The following SLC44A5 variants were observed in gnomAD, a reference collection of about 807,000 sequenced individuals.
SLC44A5 encodes choline transporter-like protein 5.
SLC44A5 carries 57 observed loss-of-function variants against 101.8 expected under a neutral mutation model. The observed-to-expected ratio is 0.56, with a 90% CI of 0.45 to 0.70. The LOEUF (loss-of-function observed/expected upper bound fraction) is 0.70, where lower values mean the gene tolerates loss of function less well. SLC44A5 is among the 30% of genes least tolerant of loss of function. The pLI is 0.00. For missense variants in SLC44A5, 737 were observed against 853.1 expected (o/e 0.86, Z 1.70); for synonymous variants, 281 against 290.9 (o/e 0.97, Z 0.35).
intron 2 of SLC44A5, among the ~76,000 whole-genome samples, chr1:75,489,029 G>T (rs923420436): frequency 3.9e-5 from 6 of 151,984 alleles, no homozygotes; most frequent in African/African-American, 1.4e-4. Flanking sequence ...TGTATTTTTA[G>T]TGGAGATAGG....
chr1:75,345,964 G>A lies in SLC44A5; in HGVS notation c.53-6334C>T, dbSNP rs75781818. Among the ~76,000 whole-genome samples, 1,358 of 152,124 alleles carry A rather than the reference G, an allele frequency of 8.9e-3. 16 individuals are homozygous for A. The highest frequency in any genetic ancestry group is 0.031 in the African/African-American group (1,303 of 41,484). On this transcript the variant is annotated intron_variant, in intron 3 of 23. Coordinates refer to ENST00000370859, the MANE Select transcript of SLC44A5 (RefSeq NM_001130058.2). The stretch of plus-strand genomic sequence containing the variant: ...GGCTGTAGCTGTGAGAGAGGATGAG[G>A]TAATTCAGGAAGCATTACAGAGGAA...
chr1:75,402,394 G>A (rs1394960094), intron 2 of SLC44A5: 8 of 374,594 alleles, frequency 2.1e-5, no homozygotes, highest in Admixed American at 5.6e-5. Flanking sequence ...AGAGGTGGCT[G>A]GCAAGATGGC....
At chr1:75,372,210 A>C (rs887481014) in intron 3 of SLC44A5, among the ~76,000 whole-genome samples, 9 of 151,926 alleles carry the variant, frequency 5.9e-5, no homozygotes, top group Admixed American at 4.6e-4. Context: ...AAAAAAAAAA[A>C]AAAAAACCTT....
chr1:75,208,318 C>T (rs1646787513), intron 23 of SLC44A5, among the ~76,000 whole-genome samples: 1 of 152,080 alleles, frequency 6.6e-6, no homozygotes. Flanking sequence ...GCCACCATGC[C>T]TGGCTAATTT....
the SLC44A5 span, among the ~76,000 whole-genome samples, chr1:75,717,404 G>A: frequency 6.6e-6 from 1 of 151,750 alleles, no homozygotes. Flanking sequence ...AGTAGGATCT[G>A]AACATTGAGA....
the SLC44A5 span, among the ~76,000 whole-genome samples, chr1:75,632,974 CT>C: frequency 5.3e-4 from 80 of 152,134 alleles, 1 homozygote; most frequent in African/African-American, 1.9e-3. Flanking sequence ...TGATTAATAA[CT>C]TTTATACCAA....
At position 75,580,722 on chromosome 1, in the gene SLC44A5, C is replaced by T. The variant is rs527849283; in HGVS notation, c.-70+30318G>A. 5.9e-5 allele frequency among the ~76,000 whole-genome samples: 9 copies of T among 151,894 alleles called. No homozygotes were observed. The East Asian group carries it at 1.6e-3, about 26-fold the overall frequency. ...GACATGGTGGCCACACCTGTAGTCC[C>T]AGCTACTCAGAAGGCTGAGGCAGGA... is the stretch of plus-strand genomic sequence containing the variant. On this transcript the variant is annotated intron_variant, in intron 1 of 23. Transcript: ENST00000370859.
At chr1:75,400,637 C>T (rs1475360019) in intron 2 of SLC44A5, among the ~76,000 whole-genome samples, 1 of 152,182 alleles carries the variant, frequency 6.6e-6, no homozygotes, top group Non-Finnish European at 1.5e-5. Context: ...CTGTGTTGGG[C>T]TCATCAATGT....
intron 3 of SLC44A5, among the ~76,000 whole-genome samples, chr1:75,351,864 A>G (rs202104341): frequency 1.1e-5 from 1 of 92,794 alleles, no homozygotes; most frequent in Non-Finnish European, 2.5e-5. Context: ...AAAAAAAAAA[A>G]AAAAAGAGAG....
chr1:75,627,275 A>G, the SLC44A5 span, among the ~76,000 whole-genome samples: 3 of 152,200 alleles, frequency 2.0e-5, no homozygotes. Flanking sequence ...TCATTATAAT[A>G]GGAACTTAGT....
chr1:75,238,412 A>ATATATATATATATATATATATATATATG (rs1443013609), intron 10 of SLC44A5, 101 bp downstream of exon 10: 3 of 334,096 alleles, frequency 9.0e-6, no homozygotes, highest in African/African-American at 6.9e-5. Flanking sequence ...ATATATATAT[A>ATATATATATATATATATATATATATATG]TGTGATTATT....
chr1:75,308,368 T>C (rs1470986674), intron 4 of SLC44A5, among the ~76,000 whole-genome samples: 2 of 151,628 alleles, frequency 1.3e-5, no homozygotes, highest in African/African-American at 4.9e-5. Context: ...TATATTTTCA[T>C]TTGTAAAGAG....
intron 2 of SLC44A5, among the ~76,000 whole-genome samples, chr1:75,494,363 C>A (rs1242691286): frequency 6.6e-6 from 1 of 152,160 alleles, no homozygotes; most frequent in Non-Finnish European, 1.5e-5. Context: ...CAACTTCTCC[C>A]TGGAAGAACC....
At chr1:75,660,310 C>G in the SLC44A5 span, among the ~76,000 whole-genome samples, 2 of 152,072 alleles carry the variant, frequency 1.3e-5, no homozygotes, top group Non-Finnish European at 2.9e-5. Context: ...ATTTGACAAA[C>G]TGGATATAGA....
At chr1:75,458,396 T>TAATATAG (rs1284334946) in intron 2 of SLC44A5, among the ~76,000 whole-genome samples, 1 of 152,142 alleles carries the variant, frequency 6.6e-6, no homozygotes, top group Non-Finnish European at 1.5e-5. Context: ...ATCCTACAGA[T>TAATATAG]AATATAGAAT....
chr1:75,306,449 A>AT (rs1300914191), intron 4 of SLC44A5, among the ~76,000 whole-genome samples: 1 of 152,090 alleles, frequency 6.6e-6, no homozygotes, highest in Non-Finnish European at 1.5e-5. Context: ...GATCTTTTTT[A>AT]TTTTTTGTAG....
chr1:75,398,178 A>C (rs1035855796), intron 2 of SLC44A5, among the ~76,000 whole-genome samples: 9 of 152,168 alleles, frequency 5.9e-5, no homozygotes, highest in Admixed American at 2.6e-4. Context: ...TACATTTTTA[A>C]AAAACAACAA....
intron 2 of SLC44A5, among the ~76,000 whole-genome samples, chr1:75,467,075 C>A (rs967637282): frequency 1.3e-5 from 2 of 151,912 alleles, no homozygotes; most frequent in Non-Finnish European, 2.9e-5. Flanking sequence ...AAAAAGTAAT[C>A]CCATGTACAA....
the SLC44A5 span, chr1:75,723,627 T>C: frequency 6.6e-6 from 1 of 152,196 alleles, no homozygotes; most frequent in African/African-American, 2.4e-5. Context: ...GAATAGACAA[T>C]TCCTAATCAT....
Sources: gnomAD v4.1 joint callset for allele counts (sites outside exome capture counted in the v4.1 genomes callset) on GRCh38, gnomAD v4.1.1 for gene constraint, MANE v1.5 for transcripts, NCBI Gene and HGNC (gene_info 2026-07-23, HGNC 2026-07-21) for gene names.